Variants in TTYH3 observed in about 807,000 individuals in gnomAD.
The protein encoded by TTYH3 is tweety family member 3.
A neutral mutation model predicts 68.2 loss-of-function variants in TTYH3; 23 were observed. The ratio of observed to expected loss-of-function variants is 0.34; its 90% CI spans 0.24 to 0.48. The LOEUF (loss-of-function observed/expected upper bound fraction) is 0.48, where lower values mean the gene tolerates loss of function less well. Among genes scored for constraint, TTYH3 ranks in the 20% least tolerant of loss-of-function variants. The pLI is 0.99. For missense variants in TTYH3, 768 were observed against 727.7 expected (o/e 1.06, Z -0.64); for synonymous variants, 360 against 332.8 (o/e 1.08, Z -0.89).
At position 2,638,484 on chromosome 7, in the gene TTYH3, C is replaced by T. The variant is rs530553409; in HGVS notation, c.123+6206C>T. On this transcript the variant is annotated intron_variant, in intron 1 of 13. Coordinates refer to ENST00000258796, the MANE Select transcript of TTYH3 (RefSeq NM_025250.3). ...TCAGCCCCAGGGCTGCCTCTCTGGC[C>T]TCCTTCCAGGCCATTCCTGGAGGGT... 6.6e-5 allele frequency among the ~76,000 whole-genome samples: 10 copies of T among 152,260 alleles called. No homozygotes were observed. In the South Asian group the frequency reaches 1.0e-3, roughly 16 times the overall value.
chr7:2,640,561 T>C (rs1375412331), intron 1 of TTYH3, among the ~76,000 whole-genome samples: 1 of 152,126 alleles, frequency 6.6e-6, no homozygotes, highest in Non-Finnish European at 1.5e-5. Context: ...TGGCAGGCAG[T>C]GTGCCCTGCC....
In TTYH3 at chr7:2,662,029, C is replaced by T. The variant is rs141983505; in HGVS notation, c.*290C>T. ...GCACGCTCCCTCTGCAGATGGTCGCCGCACCTACAAGCCCTGGCCGCACCC... is the reference window on the plus strand; with the variant it reads ...GCACGCTCCCTCTGCAGATGGTCGCTGCACCTACAAGCCCTGGCCGCACCC... On this transcript the variant is annotated 3_prime_UTR_variant, in exon 14 of 14. Transcript: ENST00000258796. 1.2e-3 allele frequency: 689 copies of T among 570,282 alleles called. 5 individuals are homozygous for T. The highest frequency in any genetic ancestry group is 0.012 in the African/African-American group (635 of 52,728). 35.3% of individuals were successfully genotyped at this position (570,282 alleles called of 1,614,324 possible).
At position 2,645,699 on chromosome 7, in the gene TTYH3, T is replaced by C. The variant is rs1201849185; in HGVS notation, c.124-1154T>C. The C allele has an allele frequency of 6.8e-6, 3 of 440,008 alleles. No individual in the cohort carries two copies. Among genetic ancestry groups the C allele is most frequent in the Non-Finnish European group, 1.4e-5 (3 of 210,702 alleles). 27.3% of individuals were successfully genotyped at this position (440,008 alleles called of 1,614,324 possible). On this transcript the variant is annotated intron_variant, in intron 1 of 13. Coordinates refer to ENST00000258796, the MANE Select transcript of TTYH3 (RefSeq NM_025250.3). The surrounding 1 kb of genome is among the most constrained non-coding windows in gnomAD (Gnocchi z 4.8). ...GCCATGGACGGTGCCCACCCCTGAG[T>C]GCAGCTTCTCGGTGCACAGACCCCA... is the stretch of plus-strand genomic sequence containing the variant.
intron 9 of TTYH3, 49 bp from the exon 10 acceptor site, chr7:2,656,043 G>A (rs1786323255): frequency 7.0e-7 from 1 of 1,433,044 alleles, no homozygotes; most frequent in Admixed American, 2.1e-5. Context: ...CTGGCTCGAG[G>A]TCCCCCGTCC....
intron 9 of TTYH3, among the ~76,000 whole-genome samples, chr7:2,654,329 A>G (rs941848683): frequency 2.0e-5 from 3 of 152,128 alleles, no homozygotes; most frequent in Non-Finnish European, 4.4e-5. Flanking sequence ...CGGGAGTTCA[A>G]AGCTGCAGTG....
intron 1 of TTYH3, among the ~76,000 whole-genome samples, chr7:2,639,662 C>T (rs73279492): frequency 0.019 from 2,818 of 152,312 alleles, 79 homozygotes; most frequent in African/African-American, 0.064. Flanking sequence ...TCCAGGAAGC[C>T]GGGGGTGACT....
intron 1 of TTYH3, 81 bp downstream of exon 1, chr7:2,632,359 C>T: frequency 7.4e-7 from 1 of 1,357,116 alleles, no homozygotes; most frequent in Non-Finnish European, 9.7e-7. Context: ...GGCCCCCATC[C>T]CCGAGGGCCT....
Position 2,632,028 on chromosome 7 carries a change from C to A in TTYH3, c.-128C>A, listed in dbSNP as rs1241557809. 8.4e-6 allele frequency: 7 copies of A among 829,216 alleles called. No individual in the cohort carries two copies. The highest frequency in any genetic ancestry group is 1.1e-5 in the Non-Finnish European group (7 of 658,522). The allele number at this position is 829,216 out of a possible 1,614,324, so 51.4% of individuals were successfully genotyped here. A position where few individuals can be genotyped will look rare whatever the true frequency, so the allele number is the denominator to read the frequency against. ...CGAGCCGGGCCGAGCCGGGCCGGGC[C>A]GGGCCCAGGAGCGCGCGGATGATGC... On this transcript the variant is annotated 5_prime_UTR_variant, in exon 1 of 14. Transcript: ENST00000258796.
At position 2,647,372 on chromosome 7, in the gene TTYH3, G is replaced by A. The variant is rs984863611; in HGVS notation, c.406-46G>A. ...GTGCAGGAGGGGCCCAGACTCTGGG[G>A]CGAGGCGGGCGCGCTCCCAGCCTCA... On this transcript the variant is annotated intron_variant, in intron 3 of 13. Coordinates refer to ENST00000258796, the MANE Select transcript of TTYH3 (RefSeq NM_025250.3). 3 of 1,462,652 alleles carry A rather than the reference G, an allele frequency of 2.1e-6. No homozygotes were observed. In the Admixed American group the frequency reaches 7.3e-5, roughly 36 times the overall value. 90.6% of individuals were successfully genotyped at this position (1,462,652 alleles called of 1,614,324 possible). A position where few individuals can be genotyped will look rare whatever the true frequency, so the allele number is the denominator to read the frequency against.
chr7:2,660,769 C>T (rs925154637), intron 13 of TTYH3, among the ~76,000 whole-genome samples: 2 of 152,126 alleles, frequency 1.3e-5, no homozygotes, highest in Admixed American at 6.5e-5. Context: ...CCCTGGGGTT[C>T]TGAAGCCCTC....
rs1387931369 is a variant in TTYH3 at position 2,645,854 on chromosome 7, A to G, written c.124-999A>G. 2.1e-6 allele frequency: 1 copy of G among 470,820 alleles called. No individual in the cohort carries two copies. The highest frequency in any genetic ancestry group is 1.5e-5 in the South Asian group (1 of 64,562). The allele number at this position is 470,820 out of a possible 1,614,324, so 29.2% of individuals were successfully genotyped here. On this transcript the variant is annotated intron_variant, in intron 1 of 13. Coordinates refer to ENST00000258796, the MANE Select transcript of TTYH3 (RefSeq NM_025250.3). This position sits in a 1 kb window ranked among gnomAD's most constrained non-coding sequence, Gnocchi z 4.8. ...TACCAGACCTGAAAACCTCAGGACT[A>G]CAGCTGGGGTGGGGGATCCTGCCAG...
chr7:2,635,220 G>A (rs1456973109), intron 1 of TTYH3, among the ~76,000 whole-genome samples: 1 of 152,202 alleles, frequency 6.6e-6, no homozygotes, highest in African/African-American at 2.4e-5. Flanking sequence ...GTGCTGCATA[G>A]TGAGTCCTGA....
chr7:2,649,767 C>A, intron 6 of TTYH3, 128 bp downstream of exon 6: 1 of 1,425,058 alleles, frequency 7.0e-7, no homozygotes, highest in South Asian at 1.2e-5. Context: ...TGGGGACCCA[C>A]CATGGGCACA....
chr7:2,653,082 G>A (rs1349123994), intron 9 of TTYH3, 72 bp downstream of exon 9: 18 of 1,414,818 alleles, frequency 1.3e-5, no homozygotes, highest in Non-Finnish European at 1.7e-5. Flanking sequence ...AATTTGTGGT[G>A]CAAACACAGC....
At chr7:2,642,112 C>G (rs572847346) in intron 1 of TTYH3, among the ~76,000 whole-genome samples, 15 of 152,372 alleles carry the variant, frequency 9.8e-5, no homozygotes, top group African/African-American at 3.6e-4. Flanking sequence ...AGAAAGCTGC[C>G]TCAGCCAATC....
chr7:2,649,907 C>T lies in TTYH3; in HGVS notation c.796-6C>T. The T allele has an allele frequency of 6.2e-7, 1 of 1,613,876 alleles. No individual in the cohort carries two copies. Among genetic ancestry groups the T allele is most frequent in the Non-Finnish European group, 8.5e-7 (1 of 1,179,914 alleles). ...AACCCCTCTTGCTTGCCCACGCCCACCTCAGGGCTCCAGCGACTTCTGTGT... is the reference window on the plus strand; with the variant it reads ...AACCCCTCTTGCTTGCCCACGCCCATCTCAGGGCTCCAGCGACTTCTGTGT... On this transcript the variant is annotated splice_region_variant and splice_polypyrimidine_tract_variant and intron_variant, in intron 6 of 13. Transcript: ENST00000258796.
chr7:2,660,655 TC>T, intron 13 of TTYH3: 3 of 737,224 alleles, frequency 4.1e-6, no homozygotes, highest in Non-Finnish European at 4.9e-6. Flanking sequence ...CTCCGTGGCG[TC>T]CCCACAGGCT....
chr7:2,633,327 C>T (rs964197241), intron 1 of TTYH3, among the ~76,000 whole-genome samples: 2 of 152,168 alleles, frequency 1.3e-5, no homozygotes, highest in African/African-American at 2.4e-5. Context: ...CACCTGGACT[C>T]TTCAGAACTG....
chr7:2,653,333 C>T (rs372718576), intron 9 of TTYH3, among the ~76,000 whole-genome samples: 3 of 152,040 alleles, frequency 2.0e-5, no homozygotes, highest in African/African-American at 7.3e-5. Context: ...GGATGACAGA[C>T]GTGAACCACC....
Sources: gnomAD v4.1 joint callset for allele counts (sites outside exome capture counted in the v4.1 genomes callset) on GRCh38, gnomAD v4.1.1 for gene constraint, Gnocchi (gnomAD v3.1) non-coding constraint, MANE v1.5 for transcripts, NCBI Gene and HGNC (gene_info 2026-07-23, HGNC 2026-07-21) for gene names.